Variants in CFAP65 observed in about 807,000 individuals in gnomAD.
The protein encoded by CFAP65 is cilia and flagella associated protein 65, also known as cilia- and flagella-associated protein 65.
CFAP65 carries 155 observed loss-of-function variants against 208.0 expected under a neutral mutation model. The ratio of observed to expected loss-of-function variants is 0.75; its 90% CI spans 0.65 to 0.85. The LOEUF is 0.85. Among genes scored for constraint, CFAP65 ranks in the 40% least tolerant of loss-of-function variants. The pLI is 0.00. For synonymous variants in CFAP65, 970 were observed against 986.3 expected (o/e 0.98, Z 0.31); for missense variants, 2,294 against 2,451.3 (o/e 0.94, Z 1.36).
intron 13 of CFAP65, 93 bp downstream of exon 13, chr2:219,027,557 G>A (rs1460358901): frequency 3.1e-6 from 5 of 1,612,902 alleles, no homozygotes; most frequent in Non-Finnish European, 3.4e-6. Context: ...GATGGAGCCT[G>A]AAGCTGCCCT....
At position 219,019,700 on chromosome 2, in the gene CFAP65, C is replaced by G; in HGVS notation, c.3279G>C (p.Lys1093Asn). The G allele has an allele frequency of 6.2e-7, 1 of 1,613,328 alleles. No homozygotes were observed. ...CCAGGGAGACGCAGCACAGCTCCTGCTTCTCCCCAGCCTTGTTATCTGGGG... is the reference window on the plus strand; with the variant it reads ...CCAGGGAGACGCAGCACAGCTCCTGGTTCTCCCCAGCCTTGTTATCTGGGG... The part of the protein sequence containing the change: ...LSHRDNKAGE[K>N]QELCCVSLVA... Residue 1093 changes from lysine (K) to asparagine (N), a missense_variant, in exon 20 of 35, where the codon AAG (lysine) becomes AAC (asparagine). Physicochemically the swap from Lys to Asn is moderately conservative, Grantham distance 94 (BLOSUM62 0). Coordinates refer to ENST00000341552, the MANE Select transcript of CFAP65 (RefSeq NM_194302.4).
chr2:219,014,087 A>T, intron 21 of CFAP65, 43 bp from the exon 22 acceptor site: 1 of 1,533,534 alleles, frequency 6.5e-7, no homozygotes, highest in Non-Finnish European at 8.8e-7. Flanking sequence ...CTGGTCAGGC[A>T]GAACAGAGAG....
rs745483392 is a variant in CFAP65 at position 219,005,542 on chromosome 2, G to A, written c.4943C>T (p.Ala1648Val). The change falls in exon 32 of 35, where the codon GCC (alanine) becomes GTC (valine). Residue 1648 changes from alanine to valine, a missense_variant. This residue lies in a region of CFAP65 where 1,427 missense variants were observed against 1,438.7 expected (regional missense o/e 0.99). Coordinates refer to ENST00000341552, the MANE Select transcript of CFAP65 (RefSeq NM_194302.4). ...AGAAGTCTCTGACTCTTCCCTGGGG[G>A]CCTTCCTCTTTGGCAGCTCCCTGTG... ...FLHRELPKRK[A>V]PREESETSEE... is the part of the protein sequence containing the mutation. 4 of 1,612,134 alleles carry A rather than the reference G, an allele frequency of 2.5e-6. No homozygotes were observed. The South Asian group carries it at 3.3e-5, about 13-fold the overall frequency.
chr2:219,002,857 G>A lies in CFAP65; in HGVS notation c.*80C>T. The A allele has an allele frequency of 7.8e-7, 1 of 1,284,256 alleles. No individual in the cohort carries two copies. The highest frequency in any genetic ancestry group is 1.1e-6 in the Non-Finnish European group (1 of 904,816). The allele number at this position is 1,284,256 out of a possible 1,614,324, so 79.6% of individuals were successfully genotyped here. A position where few individuals can be genotyped will look rare whatever the true frequency, so the allele number is the denominator to read the frequency against. On this transcript the variant is annotated 3_prime_UTR_variant, in exon 35 of 35. Coordinates refer to ENST00000341552, the MANE Select transcript of CFAP65 (RefSeq NM_194302.4). The surrounding 1 kb of genome is among the most constrained non-coding windows in gnomAD (Gnocchi z 7.9). The stretch of plus-strand genomic sequence containing the variant: ...AAAGTCAAGGTAGATACAGAAAAAA[G>A]ACTAGATGCTTTTACTGGCGGTGGA...
chr2:219,025,769 G>A (rs1947588046), intron 14 of CFAP65, among the ~76,000 whole-genome samples: 1 of 152,220 alleles, frequency 6.6e-6, no homozygotes, highest in Non-Finnish European at 1.5e-5. Flanking sequence ...AGGAGCCAGT[G>A]AGTATTTCCA....
Position 219,006,180 on chromosome 2 carries a change from G to A in CFAP65, c.4763C>T (p.Ala1588Val). Residue 1588 changes from alanine to valine, a missense_variant, in exon 31 of 35, where the codon GCC becomes GTC. Ala to Val is a moderately conservative substitution (Grantham distance 64, BLOSUM62 0). This residue lies in a region of CFAP65 where 1,427 missense variants were observed against 1,438.7 expected (regional missense o/e 0.99). Transcript: ENST00000341552. ...IKNQQSVSRP[A>V]SWKLQTPKEE... ...CTTTGGGGTCTGCAGTTTCCAGCTG[G>A]CAGGCCGGCTGACAGACTGCTGGTT... The A allele has an allele frequency of 6.2e-7, 1 of 1,611,548 alleles. No individual in the cohort carries two copies. Among genetic ancestry groups the A allele is most frequent in the African/African-American group, 1.3e-5 (1 of 75,028 alleles).
chr2:219,005,675 C>T, intron 31 of CFAP65, 113 bp from the exon 32 acceptor site: 1 of 1,304,090 alleles, frequency 7.7e-7, no homozygotes, highest in Non-Finnish European at 1.1e-6. Context: ...GTTTGAGGCA[C>T]TCCCAGCCTT....
intron 24 of CFAP65, among the ~76,000 whole-genome samples, chr2:219,011,270 CTTTTTTTTTTT>C (rs528817484): frequency 0.027 from 2,844 of 107,178 alleles, 106 homozygotes; most frequent in African/African-American, 0.096. Flanking sequence ...CTTTTTCTTT[CTTTTTTTTTTT>C]TTTTTTTTTT....
chr2:219,030,875 GC>G, intron 8 of CFAP65, 41 bp from the exon 9 acceptor site: 1 of 1,595,290 alleles, frequency 6.3e-7, no homozygotes, highest in Non-Finnish European at 8.5e-7. Flanking sequence ...ACCCACCAGG[GC>G]CTCTGTGGCC....
At chr2:219,021,339 C>A in intron 18 of CFAP65, 59 bp from the exon 19 acceptor site, 1 of 1,489,946 alleles carries the variant, frequency 6.7e-7, no homozygotes, top group South Asian at 1.5e-5. Context: ...ATTCCTCCTG[C>A]TCCTTTGTAG....
chr2:219,031,422 T>C lies in CFAP65; in HGVS notation c.815+67A>G. The C allele has an allele frequency of 6.2e-7, 1 of 1,607,380 alleles. No homozygotes were observed. Among genetic ancestry groups the C allele is most frequent in the Non-Finnish European group, 8.5e-7 (1 of 1,178,740 alleles). On this transcript the variant is annotated intron_variant, in intron 7 of 34. Coordinates refer to ENST00000341552, the MANE Select transcript of CFAP65 (RefSeq NM_194302.4). This position sits in a 1 kb window ranked among gnomAD's most constrained non-coding sequence, Gnocchi z 5.2. ...CTACCCCGACAAGGGTATGCCTGTC[T>C]CTCCTGCTTCCAGACACCCTCCTCA...
rs1457035447 is a variant in CFAP65 at position 219,021,207 on chromosome 2, G to C, written c.3204C>G (p.Pro1068=). ...TCCAGGAGTACTGGGACCGCTGCTT[G>C]GGACAGGCAGTCAGGCAGATGGTGT... is the stretch of plus-strand genomic sequence containing the variant. ...SQDTICLTAC[P]KQRSQYSWTI... is the part of the protein sequence containing the mutation. Residue 1068 remains proline, a synonymous_variant, in exon 19 of 35, where the codon CCC becomes CCG. Coordinates refer to ENST00000341552, the MANE Select transcript of CFAP65 (RefSeq NM_194302.4). 5.0e-6 allele frequency: 8 copies of C among 1,608,090 alleles called. No homozygotes were observed. Among genetic ancestry groups the C allele is most frequent in the African/African-American group, 1.3e-5 (1 of 74,784 alleles).
chr2:219,040,795 G>C (rs1948614595), intron 1 of CFAP65, among the ~76,000 whole-genome samples: 1 of 152,216 alleles, frequency 6.6e-6, no homozygotes, highest in Non-Finnish European at 1.5e-5. Flanking sequence ...CTAGGGAAGT[G>C]GTCCCAGGGC....
rs1306298949 is a variant in CFAP65 at position 219,002,901 on chromosome 2, C to T, written c.*36G>A. The T allele has an allele frequency of 6.6e-7, 1 of 1,523,570 alleles. No individual in the cohort carries two copies. The highest frequency in any genetic ancestry group is 8.9e-7 in the Non-Finnish European group (1 of 1,128,882). The allele number at this position is 1,523,570 out of a possible 1,614,324, so 94.4% of individuals were successfully genotyped here. On this transcript the variant is annotated 3_prime_UTR_variant, in exon 35 of 35. Coordinates refer to ENST00000341552, the MANE Select transcript of CFAP65 (RefSeq NM_194302.4). The surrounding 1 kb of genome is among the most constrained non-coding windows in gnomAD (Gnocchi z 7.9). ...CGGTGGAGAGGGGGCCAGGCGTGAC[C>T]CCTAGCGGCATGTCGGAGAGGCTGG...
At chr2:219,006,799 A>G (rs191775958) in intron 29 of CFAP65, among the ~76,000 whole-genome samples, 2,898 of 147,114 alleles carry the variant, frequency 0.02, 97 homozygotes, top group African/African-American at 0.07. Context: ...GCGCCACTGC[A>G]CTCCAGCCTG....
intron 24 of CFAP65, 83 bp downstream of exon 24, chr2:219,013,176 G>T: frequency 1.0e-6 from 1 of 964,562 alleles, no homozygotes; most frequent in Non-Finnish European, 1.6e-6. Flanking sequence ...CCATGTCTTT[G>T]TCACCCTCTC....
chr2:219,019,729 G>C lies in CFAP65; in HGVS notation c.3260-10C>G, dbSNP rs1446887383. ...TCCCCAGCCTTGTTATCTGGGGAGG[G>C]GGGTGAGGAAGACAGAAGTGGGCTT... On this transcript the variant is annotated splice_polypyrimidine_tract_variant and intron_variant, in intron 19 of 34. Transcript: ENST00000341552. 3 of 1,611,086 alleles carry C rather than the reference G, an allele frequency of 1.9e-6. No homozygotes were observed. The highest frequency in any genetic ancestry group is 1.3e-5 in the African/African-American group (1 of 74,922).
intron 29 of CFAP65, among the ~76,000 whole-genome samples, chr2:219,008,385 C>T (rs1353312697): frequency 6.6e-6 from 1 of 152,158 alleles, no homozygotes; most frequent in Non-Finnish European, 1.5e-5. Context: ...TCATTAACTC[C>T]AGGAATGAAA....
chr2:219,009,760 G>GTGGGA (rs1396553658), intron 27 of CFAP65, among the ~76,000 whole-genome samples, 182 bp downstream of exon 27: 1 of 78,322 alleles, frequency 1.3e-5, no homozygotes, highest in Admixed American at 1.2e-4. Flanking sequence ...ATGGAGTGGG[G>GTGGGA]TGGGATGGGA....
Sources: gnomAD v4.1 joint callset for allele counts (sites outside exome capture counted in the v4.1 genomes callset) on GRCh38, gnomAD v4.1.1 for gene constraint, gnomAD v4.1.1 regional missense constraint, Gnocchi (gnomAD v3.1) non-coding constraint, MANE v1.5 for transcripts, NCBI Gene and HGNC (gene_info 2026-07-23, HGNC 2026-07-21) for gene names.